NRG1: variants seen among roughly 807,000 people sequenced by gnomAD.
The protein encoded by NRG1 is neuregulin 1.
Under a neutral mutation model 63.8 loss-of-function variants are expected in NRG1, and 18 were observed. The ratio of observed to expected loss-of-function variants is 0.28; its 90% CI spans 0.19 to 0.42. NRG1 has a LOEUF of 0.42. Among genes scored for constraint, NRG1 ranks in the 10% least tolerant of loss-of-function variants. NRG1 has a pLI of 1.00. For missense variants in NRG1, 762 were observed against 814.7 expected (o/e 0.94, Z 0.79); for synonymous variants, 302 against 301.3 (o/e 1.00, Z -0.02).
At chr8:32,721,925 C>T (rs1820747288) in intron 5 of NRG1, 2 of 1,510,886 alleles carry the variant, frequency 1.3e-6, no homozygotes, top group African/African-American at 2.8e-5. Context: ...CTCATTATAC[C>T]TAATTGCAAA....
At chr8:31,917,346 G>A (rs1277096317) in intron 1 of NRG1, among the ~76,000 whole-genome samples, 2 of 150,806 alleles carry the variant, frequency 1.3e-5, no homozygotes, top group Admixed American at 6.7e-5. Context: ...TAGGTCTAAC[G>A]TTTAGGTCTT....
intron 1 of NRG1, among the ~76,000 whole-genome samples, chr8:31,661,304 A>T (rs530437450): frequency 1.3e-5 from 2 of 152,194 alleles, no homozygotes; most frequent in East Asian, 3.8e-4. Flanking sequence ...ATCTGTTTTA[A>T]TGAAGGTAAT....
chr8:32,674,328 T>G (rs1390303909), intron 5 of NRG1, among the ~76,000 whole-genome samples: 1 of 152,212 alleles, frequency 6.6e-6, no homozygotes, highest in Non-Finnish European at 1.5e-5. Context: ...TGAAGCTCAT[T>G]AGTCAAACTA....
chr8:31,896,178 A>G (rs1451638217), intron 1 of NRG1, among the ~76,000 whole-genome samples: 1 of 152,202 alleles, frequency 6.6e-6, no homozygotes, highest in Non-Finnish European at 1.5e-5. Context: ...AGTGTATGGA[A>G]TTCATTATAG....
chr8:32,371,609 TGAGAATTGG>T (rs538403709), intron 1 of NRG1, among the ~76,000 whole-genome samples: 13 of 128,228 alleles, frequency 1.0e-4, no homozygotes, highest in Non-Finnish European at 2.1e-4. Context: ...GAGATATTAG[TGAGAATTGG>T]GAGAAACTTT....
intron 1 of NRG1, among the ~76,000 whole-genome samples, chr8:32,094,132 G>A (rs373045159): frequency 2.0e-5 from 3 of 152,174 alleles, no homozygotes; most frequent in South Asian, 2.1e-4. Context: ...AAGAGGAACC[G>A]TTGGCTACAT....
At chr8:31,717,954 C>T (rs1255020951) in intron 1 of NRG1, among the ~76,000 whole-genome samples, 1 of 152,058 alleles carries the variant, frequency 6.6e-6, no homozygotes, top group African/African-American at 2.4e-5. Flanking sequence ...GTCTTTTAGT[C>T]TTGTATGTGT....
intron 1 of NRG1, among the ~76,000 whole-genome samples, chr8:32,027,389 G>GT (rs1222497732): frequency 4.6e-5 from 7 of 151,268 alleles, no homozygotes; most frequent in African/African-American, 1.7e-4. Flanking sequence ...AAATCTGTAT[G>GT]TTTTTTATAA....
At chr8:31,676,151 G>A (rs1037018349) in intron 1 of NRG1, among the ~76,000 whole-genome samples, 2 of 152,112 alleles carry the variant, frequency 1.3e-5, no homozygotes, top group African/African-American at 4.8e-5. Context: ...TTGTAGGTGG[G>A]TAAGATTAGT....
chr8:31,666,750 C>T (rs1806587029), intron 1 of NRG1, among the ~76,000 whole-genome samples: 1 of 152,188 alleles, frequency 6.6e-6, no homozygotes, highest in South Asian at 2.1e-4. Flanking sequence ...TGCTACATCT[C>T]ATGGTTTATT....
At chr8:31,884,946 A>G (rs1160554569) in intron 1 of NRG1, among the ~76,000 whole-genome samples, 1 of 152,270 alleles carries the variant, frequency 6.6e-6, no homozygotes, top group Non-Finnish European at 1.5e-5. Context: ...TAGAGTAACT[A>G]TGGCTTTGTA....
At chr8:32,298,800 G>A (rs188874722) in intron 1 of NRG1, among the ~76,000 whole-genome samples, 32 of 151,152 alleles carry the variant, frequency 2.1e-4, no homozygotes, top group Non-Finnish European at 1.0e-4. Context: ...AGGCCAAGGC[G>A]GGCGGATCAT....
At chr8:32,701,824 C>T (rs1236758787) in intron 5 of NRG1, among the ~76,000 whole-genome samples, 1 of 152,038 alleles carries the variant, frequency 6.6e-6, no homozygotes, top group Non-Finnish European at 1.5e-5. Context: ...AAAAAGAAAA[C>T]GTGAAACCTT....
At chr8:31,960,911 T>G (rs1805340041) in intron 1 of NRG1, among the ~76,000 whole-genome samples, 1 of 152,248 alleles carries the variant, frequency 6.6e-6, no homozygotes, top group Non-Finnish European at 1.5e-5. Context: ...TTTGTTGTAC[T>G]TCTATTTCTA....
At chr8:32,139,601 CAT>C (rs1437293491) in intron 1 of NRG1, 1 of 152,128 alleles carries the variant, frequency 6.6e-6, no homozygotes, top group African/African-American at 2.4e-5. Context: ...GGCATATTAA[CAT>C]GTGCATTTGC....
chr8:32,089,902 G>A (rs983563675), intron 1 of NRG1, among the ~76,000 whole-genome samples: 3 of 152,198 alleles, frequency 2.0e-5, no homozygotes, highest in Non-Finnish European at 4.4e-5. Flanking sequence ...TCTGTCATAT[G>A]TGTTCCAAGT....
At chr8:31,991,081 G>T (rs188962744) in intron 1 of NRG1, among the ~76,000 whole-genome samples, 81 of 152,132 alleles carry the variant, frequency 5.3e-4, no homozygotes, top group Non-Finnish European at 8.8e-4. Flanking sequence ...TGTCATGTTA[G>T]CTGTTGTTTC....
chr8:32,589,035 C>T (rs1453871540), intron 1 of NRG1, among the ~76,000 whole-genome samples: 1 of 152,184 alleles, frequency 6.6e-6, no homozygotes, highest in Admixed American at 6.5e-5. Flanking sequence ...CGGGATATAA[C>T]CCAACATCAC....
At chr8:31,824,555 G>A (rs1428077942) in intron 1 of NRG1, among the ~76,000 whole-genome samples, 4 of 152,182 alleles carry the variant, frequency 2.6e-5, no homozygotes, top group Non-Finnish European at 5.9e-5. Context: ...TTCTGGGTTG[G>A]CTGAGATCAA....
Sources: gnomAD v4.1 joint callset for allele counts (sites outside exome capture counted in the v4.1 genomes callset) on GRCh38, gnomAD v4.1.1 for gene constraint, MANE v1.5 for transcripts, NCBI Gene and HGNC (gene_info 2026-07-23, HGNC 2026-07-21) for gene names.